MAGI2: variants seen among roughly 807,000 people sequenced by gnomAD.
MAGI2 encodes the protein membrane associated guanylate kinase, WW and PDZ domain containing 2.
Under a neutral mutation model 133.3 loss-of-function variants are expected in MAGI2, and 35 were observed. The ratio of observed to expected loss-of-function variants is 0.26; its 90% CI spans 0.20 to 0.35. MAGI2 has a LOEUF of 0.35. Ranked by LOEUF, MAGI2 falls within the 10% of genes least tolerant of loss-of-function variation. The probability of loss-of-function intolerance (pLI) is 1.00; values close to 1 mark genes in which losing one functional copy is unlikely to be tolerated. For synonymous variants in MAGI2, 729 were observed against 710.6 expected (o/e 1.03, Z -0.41); for missense variants, 1,636 against 1,863.4 (o/e 0.88, Z 2.25).
At chr7:79,275,883 A>C (rs1835195304) in intron 1 of MAGI2, among the ~76,000 whole-genome samples, 1 of 152,196 alleles carries the variant, frequency 6.6e-6, no homozygotes, top group South Asian at 2.1e-4. Context: ...ATGGTTTACT[A>C]AATATTTTAA....
intron 1 of MAGI2, among the ~76,000 whole-genome samples, chr7:79,281,670 T>C (rs1835650819): frequency 1.3e-5 from 2 of 152,260 alleles, no homozygotes; most frequent in Admixed American, 1.3e-4. Flanking sequence ...CTGGGTAAAA[T>C]GAAGTTATGG....
intron 9 of MAGI2, among the ~76,000 whole-genome samples, chr7:78,302,574 G>A (rs1302504636): frequency 6.6e-6 from 1 of 152,088 alleles, no homozygotes; most frequent in Non-Finnish European, 1.5e-5. Context: ...TATTACAAAC[G>A]AATATAAACA....
chr7:78,968,106 C>G (rs1803486226), intron 2 of MAGI2, among the ~76,000 whole-genome samples: 1 of 152,170 alleles, frequency 6.6e-6, no homozygotes, highest in Non-Finnish European at 1.5e-5. Flanking sequence ...GCTGGGATTA[C>G]AGGCGTGAGC....
At chr7:78,080,266 G>T (rs1363640230) in intron 20 of MAGI2, among the ~76,000 whole-genome samples, 2 of 152,226 alleles carry the variant, frequency 1.3e-5, no homozygotes, top group Non-Finnish European at 2.9e-5. Context: ...TGTAATGAAG[G>T]TAAAGACCTT....
intron 1 of MAGI2, among the ~76,000 whole-genome samples, chr7:79,107,622 T>C (rs963563001): frequency 9.2e-5 from 14 of 152,234 alleles, no homozygotes; most frequent in Non-Finnish European, 4.4e-5. Context: ...GAATCATAAT[T>C]GTTAAGGGTG....
At chr7:78,700,155 A>C (rs1480785522) in intron 2 of MAGI2, among the ~76,000 whole-genome samples, 3 of 152,186 alleles carry the variant, frequency 2.0e-5, no homozygotes, top group Non-Finnish European at 4.4e-5. Flanking sequence ...CTATGTAATG[A>C]GGTTGATAGA....
intron 1 of MAGI2, among the ~76,000 whole-genome samples, chr7:79,214,744 TATAA>T (rs1319188656): frequency 2.1e-5 from 3 of 140,490 alleles, no homozygotes; most frequent in Admixed American, 7.3e-5. Context: ...AATATAAATA[TATAA>T]ATACATATAT....
At chr7:79,345,875 C>T (rs1841277176) in intron 1 of MAGI2, among the ~76,000 whole-genome samples, 1 of 152,016 alleles carries the variant, frequency 6.6e-6, no homozygotes, top group Non-Finnish European at 1.5e-5. Context: ...GAAAATCACC[C>T]CTTATCCATT....
At chr7:79,147,976 G>A (rs1341080614) in intron 1 of MAGI2, among the ~76,000 whole-genome samples, 3 of 152,148 alleles carry the variant, frequency 2.0e-5, no homozygotes, top group Admixed American at 6.5e-5. Flanking sequence ...GCTTGCTACT[G>A]TACATAGATA....
chr7:79,179,947 C>G (rs776290189), intron 1 of MAGI2, among the ~76,000 whole-genome samples: 23 of 151,980 alleles, frequency 1.5e-4, no homozygotes, highest in Admixed American at 9.2e-4. Context: ...TAAAAAGCTT[C>G]TGCACAGCAA....
intron 1 of MAGI2, among the ~76,000 whole-genome samples, chr7:79,164,843 C>A (rs1395358504): frequency 6.6e-6 from 1 of 152,038 alleles, no homozygotes; most frequent in Admixed American, 6.6e-5. Flanking sequence ...GTTCTCAGGA[C>A]CTCCTAAGGG....
intron 16 of MAGI2, among the ~76,000 whole-genome samples, chr7:78,149,295 C>T (rs115903106): frequency 2.0e-5 from 3 of 152,210 alleles, no homozygotes; most frequent in African/African-American, 7.2e-5. Flanking sequence ...GTAGGGAATG[C>T]CTAATGTATC....
intron 3 of MAGI2, among the ~76,000 whole-genome samples, chr7:78,546,655 C>T (rs1798867698): frequency 6.9e-6 from 1 of 145,462 alleles, no homozygotes; most frequent in Non-Finnish European, 1.5e-5. Flanking sequence ...CCTTTTATCA[C>T]ACCCGTTGTC....
At chr7:78,449,569 C>T (rs1788500803) in intron 6 of MAGI2, among the ~76,000 whole-genome samples, 1 of 151,982 alleles carries the variant, frequency 6.6e-6, no homozygotes, top group Admixed American at 6.6e-5. Flanking sequence ...TTAATTGCTG[C>T]CTGTGGCTTG....
At chr7:78,090,140 C>G (rs534707402) in intron 20 of MAGI2, among the ~76,000 whole-genome samples, 121 of 152,282 alleles carry the variant, frequency 7.9e-4, no homozygotes, top group African/African-American at 2.8e-3. Flanking sequence ...CTGCTCAAAT[C>G]CTCCAAGAAG....
At chr7:79,285,674 T>G (rs1835947447) in intron 1 of MAGI2, among the ~76,000 whole-genome samples, 1 of 152,128 alleles carries the variant, frequency 6.6e-6, no homozygotes, top group Non-Finnish European at 1.5e-5. Flanking sequence ...CATGGCTTAA[T>G]GTGGATATCA....
chr7:78,100,193 A>G (rs896256841), intron 20 of MAGI2, among the ~76,000 whole-genome samples: 1 of 152,132 alleles, frequency 6.6e-6, no homozygotes, highest in Non-Finnish European at 1.5e-5. Context: ...TGCTCCTCTC[A>G]GAGTGTCCAA....
chr7:79,001,611 T>C (rs1334388312), intron 2 of MAGI2, among the ~76,000 whole-genome samples: 1 of 152,200 alleles, frequency 6.6e-6, no homozygotes, highest in Non-Finnish European at 1.5e-5. Flanking sequence ...GTCAGTTTAA[T>C]TGTGGTTGAT....
chr7:79,005,119 T>C (rs952553220), intron 2 of MAGI2, among the ~76,000 whole-genome samples: 2 of 151,510 alleles, frequency 1.3e-5, no homozygotes, highest in African/African-American at 2.4e-5. Flanking sequence ...TGAGTCAAGA[T>C]GGTGGATCAT....
Sources: gnomAD v4.1 joint callset for allele counts (sites outside exome capture counted in the v4.1 genomes callset) on GRCh38, gnomAD v4.1.1 for gene constraint, MANE v1.5 for transcripts, NCBI Gene and HGNC (gene_info 2026-07-23, HGNC 2026-07-21) for gene names.